The following GREB1L variants were observed in gnomAD, a reference collection of about 807,000 sequenced individuals.
GREB1L encodes the protein GREB1-like protein.
In GREB1L, 17 loss-of-function variants were observed where a neutral mutation model predicts 200.8. The observed-to-expected ratio is 0.08, with a 90% CI of 0.06 to 0.13. The LOEUF (loss-of-function observed/expected upper bound fraction) is 0.13, where lower values mean the gene tolerates loss of function less well. GREB1L is among the 10% of genes least tolerant of loss of function. The pLI is 1.00. For synonymous variants in GREB1L, 789 were observed against 893.0 expected (o/e 0.88, Z 2.08); for missense variants, 1,657 against 2,367.7 (o/e 0.70, Z 6.23).
chr18:21,336,582 A>C (rs1212462598), intron 1 of GREB1L, among the ~76,000 whole-genome samples: 1 of 152,236 alleles, frequency 6.6e-6, no homozygotes, highest in African/African-American at 2.4e-5. Flanking sequence ...TGCTGCAAGG[A>C]AACTTTGAAT....
intron 19 of GREB1L, 88 bp downstream of exon 19, chr18:21,490,439 T>G: frequency 1.9e-6 from 2 of 1,063,996 alleles, no homozygotes; most frequent in Non-Finnish European, 2.7e-6. Flanking sequence ...GGGCCTGAGT[T>G]TAATAGAATC....
chr18:21,517,919 C>A (rs760732854), intron 30 of GREB1L, 115 bp from the exon 31 acceptor site: 30 of 750,138 alleles, frequency 4.0e-5, no homozygotes, highest in Non-Finnish European at 6.2e-5. Context: ...ACCTAGCACC[C>A]CTCACTGTGC....
chr18:21,444,193 G>T, intron 10 of GREB1L, 31 bp from the exon 11 acceptor site: 1 of 1,490,180 alleles, frequency 6.7e-7, no homozygotes, highest in Non-Finnish European at 9.1e-7. Flanking sequence ...AAGAAATGTT[G>T]AACTGTACTG....
chr18:21,333,984 TAAAA>T (rs796925427), intron 1 of GREB1L, among the ~76,000 whole-genome samples: 1 of 138,812 alleles, frequency 7.2e-6, no homozygotes, highest in African/African-American at 2.6e-5. Context: ...AGATCTTGCC[TAAAA>T]AAAAAAAAAA....
At chr18:21,334,521 TA>T (rs1555628868) in intron 1 of GREB1L, among the ~76,000 whole-genome samples, 3 of 152,074 alleles carry the variant, frequency 2.0e-5, no homozygotes, top group Non-Finnish European at 4.4e-5. Flanking sequence ...TCTTGCTGGA[TA>T]AAAAAATCAC....
At chr18:21,487,892 TC>T (rs1452361350) in intron 18 of GREB1L, among the ~76,000 whole-genome samples, 3 of 150,364 alleles carry the variant, frequency 2.0e-5, no homozygotes, top group African/African-American at 7.4e-5. Context: ...GCACCTGTAA[TC>T]CCAGGTACTT....
chr18:21,344,982 A>T (rs2039323670), intron 1 of GREB1L, among the ~76,000 whole-genome samples: 2 of 152,112 alleles, frequency 1.3e-5, no homozygotes, highest in African/African-American at 4.8e-5. Flanking sequence ...CTAATCAATT[A>T]TTCCAAATCT....
At chr18:21,374,277 T>C (rs549975238) in intron 2 of GREB1L, among the ~76,000 whole-genome samples, 5 of 152,210 alleles carry the variant, frequency 3.3e-5, no homozygotes, top group Non-Finnish European at 7.3e-5. Context: ...TTGCTGGGAT[T>C]ACAGGTGTGA....
At chr18:21,429,176 T>C (rs533257862) in intron 7 of GREB1L, among the ~76,000 whole-genome samples, 2 of 49,028 alleles carry the variant, frequency 4.1e-5, no homozygotes, top group African/African-American at 9.2e-5. Flanking sequence ...TCCCCTCCCT[T>C]CCTTCCCCTC....
chr18:21,428,825 C>T (rs1201626375), intron 7 of GREB1L, among the ~76,000 whole-genome samples: 15 of 142,744 alleles, frequency 1.1e-4, no homozygotes, highest in Non-Finnish European at 2.2e-4. Flanking sequence ...TCCAGCAGTT[C>T]TTCTGCCTCA....
At chr18:21,497,860 C>G in intron 21 of GREB1L, among the ~76,000 whole-genome samples, 1 of 117,520 alleles carries the variant, frequency 8.5e-6, no homozygotes, top group Non-Finnish European at 1.7e-5. Context: ...TCGCTCTTGT[C>G]CCCCAGGCTA....
chr18:21,275,095 C>G (rs1442646080), intron 1 of GREB1L, among the ~76,000 whole-genome samples: 3 of 151,986 alleles, frequency 2.0e-5, no homozygotes, highest in Non-Finnish European at 2.9e-5. Flanking sequence ...CAAAAATTAG[C>G]TAGGCATGGT....
chr18:21,401,062 G>C lies in GREB1L; in HGVS notation c.533-88G>C, dbSNP rs2041296555. ...GAGATTGAGACATTTTTGGGTCAAAGAATGTGAATGTTTCTATGCTGTTTA... is the reference window on the plus strand; with the variant it reads ...GAGATTGAGACATTTTTGGGTCAAACAATGTGAATGTTTCTATGCTGTTTA... On this transcript the variant is annotated intron_variant, in intron 5 of 32. Transcript: ENST00000424526. 7.3e-6 allele frequency: 8 copies of C among 1,099,938 alleles called. No individual in the cohort carries two copies. The South Asian group carries it at 9.8e-5, about 13-fold the overall frequency. The allele number at this position is 1,099,938 out of a possible 1,614,324, so 68.1% of individuals were successfully genotyped here. A position where few individuals can be genotyped will look rare whatever the true frequency, so the allele number is the denominator to read the frequency against.
At chr18:21,466,328 A>G (rs1166488506) in intron 15 of GREB1L, among the ~76,000 whole-genome samples, 1 of 152,130 alleles carries the variant, frequency 6.6e-6, no homozygotes, top group Non-Finnish European at 1.5e-5. Flanking sequence ...TTACCAAAGA[A>G]TGCTAAATTT....
intron 2 of GREB1L, among the ~76,000 whole-genome samples, chr18:21,381,067 A>G (rs770412996): frequency 1.5e-4 from 23 of 152,222 alleles, no homozygotes; most frequent in Non-Finnish European, 2.9e-4. Flanking sequence ...ACAGTGAAAC[A>G]CCGTCTCTAC....
At chr18:21,254,670 TA>T (rs1379898231) in intron 1 of GREB1L, among the ~76,000 whole-genome samples, 8 of 152,188 alleles carry the variant, frequency 5.3e-5, no homozygotes, top group Admixed American at 2.0e-4. Context: ...ATTCTTGGGT[TA>T]ATTTGGGTGC....
At chr18:21,316,649 A>G (rs892744078) in intron 1 of GREB1L, among the ~76,000 whole-genome samples, 3 of 151,938 alleles carry the variant, frequency 2.0e-5, no homozygotes, top group African/African-American at 7.2e-5. Flanking sequence ...GGCTGTTGCA[A>G]AAGATAATAG....
chr18:21,417,850 G>A (rs1339378168), intron 7 of GREB1L, among the ~76,000 whole-genome samples: 1 of 151,586 alleles, frequency 6.6e-6, no homozygotes, highest in African/African-American at 2.4e-5. Context: ...GCGGGGTGGC[G>A]GGCACCTATA....
chr18:21,340,414 C>T (rs539408764), intron 1 of GREB1L, among the ~76,000 whole-genome samples: 2 of 151,358 alleles, frequency 1.3e-5, no homozygotes, highest in East Asian at 2.0e-4. Flanking sequence ...AGCGAGACTC[C>T]GTCTCAAAAA....
Sources: gnomAD v4.1 joint callset for allele counts (sites outside exome capture counted in the v4.1 genomes callset) on GRCh38, gnomAD v4.1.1 for gene constraint, MANE v1.5 for transcripts, NCBI Gene and HGNC (gene_info 2026-07-23, HGNC 2026-07-21) for gene names.